The following DGKB variants were observed in gnomAD, a reference collection of about 807,000 sequenced individuals.
DGKB encodes the protein diacylglycerol kinase beta.
Under a neutral mutation model 114.3 loss-of-function variants are expected in DGKB, and 67 were observed. The ratio of observed to expected loss-of-function variants is 0.59; its 90% CI spans 0.48 to 0.72. The LOEUF is 0.72. DGKB is among the 30% of genes least tolerant of loss of function. The probability of loss-of-function intolerance (pLI) is 0.00; values close to 1 mark genes in which losing one functional copy is unlikely to be tolerated. For missense variants in DGKB, 907 were observed against 975.2 expected (o/e 0.93, Z 0.93); for synonymous variants, 398 against 323.1 (o/e 1.23, Z -2.49).
At chr7:14,386,859 T>A (rs1026019947) in intron 21 of DGKB, among the ~76,000 whole-genome samples, 1 of 152,124 alleles carries the variant, frequency 6.6e-6, no homozygotes, top group African/African-American at 2.4e-5. Context: ...ATTAAAGTAA[T>A]TTTTAAGTTT....
chr7:14,598,303 T>C (rs1802940435), intron 17 of DGKB, among the ~76,000 whole-genome samples: 1 of 152,192 alleles, frequency 6.6e-6, no homozygotes, highest in African/African-American at 2.4e-5. Context: ...TATTAACAGC[T>C]ATAACTTCAT....
At chr7:14,200,761 C>T (rs1047427709) in intron 23 of DGKB, among the ~76,000 whole-genome samples, 4 of 151,810 alleles carry the variant, frequency 2.6e-5, no homozygotes, top group South Asian at 2.1e-4. Context: ...GTAAAAAAAA[C>T]GTAATGTAGC....
intron 2 of DGKB, among the ~76,000 whole-genome samples, chr7:14,804,045 T>C (rs1047486216): frequency 2.0e-5 from 3 of 150,754 alleles, no homozygotes; most frequent in African/African-American, 7.4e-5. Flanking sequence ...TGTGAGTTAT[T>C]TCTTCACATT....
chr7:14,656,173 G>C (rs1417372071), intron 13 of DGKB, among the ~76,000 whole-genome samples: 1 of 151,450 alleles, frequency 6.6e-6, no homozygotes, highest in Admixed American at 6.6e-5. Context: ...GGTAACTATA[G>C]ATAAAGTGAA....
chr7:14,620,990 C>CT (rs899426022), intron 15 of DGKB, among the ~76,000 whole-genome samples: 54 of 151,464 alleles, frequency 3.6e-4, no homozygotes, highest in African/African-American at 1.2e-3. Flanking sequence ...TTCCTAAAGT[C>CT]TTTTTTGCTA....
upstream of DGKB, among the ~76,000 whole-genome samples, chr7:14,905,394 C>G (rs1783646776): frequency 6.6e-6 from 1 of 151,968 alleles, no homozygotes; most frequent in Non-Finnish European, 1.5e-5. Flanking sequence ...ACTCATAACT[C>G]AAGATTTTCC....
intron 23 of DGKB, among the ~76,000 whole-genome samples, chr7:14,273,207 A>G (rs1320018046): frequency 6.6e-6 from 1 of 152,046 alleles, no homozygotes; most frequent in Non-Finnish European, 1.5e-5. Flanking sequence ...TTAGCTGGGC[A>G]TGGTGGGGCA....
rs547782344 is a variant in DGKB, at chr7:14,657,594, G to A, written c.1134+15335C>T. Among the ~76,000 whole-genome samples, 3 of 151,928 alleles carry A rather than the reference G, an allele frequency of 2.0e-5. No individual in the cohort carries two copies. In the South Asian group the frequency reaches 6.2e-4, roughly 31 times the overall value. ...ATGACTTCAGTAACTTTGCTTAAAG[G>A]TTAAAGAGGTAAATTTAAAAGAAGG... On this transcript the variant is annotated intron_variant, in intron 13 of 25. Coordinates refer to ENST00000402815, the MANE Select transcript of DGKB (RefSeq NM_001350709.2).
intron 13 of DGKB, among the ~76,000 whole-genome samples, chr7:14,668,012 G>C (rs1480441206): frequency 6.6e-6 from 1 of 151,826 alleles, no homozygotes; most frequent in East Asian, 1.9e-4. Context: ...AGAATGAGTA[G>C]GTTGATCCAG....
intron 20 of DGKB, among the ~76,000 whole-genome samples, chr7:14,498,363 A>T (rs920967646): frequency 2.6e-5 from 4 of 151,832 alleles, no homozygotes; most frequent in African/African-American, 4.8e-5. Context: ...TAATTAACAC[A>T]AAGTATTATA....
At chr7:14,755,261 A>G (rs1245451897) in intron 3 of DGKB, among the ~76,000 whole-genome samples, 1 of 152,152 alleles carries the variant, frequency 6.6e-6, no homozygotes, top group Non-Finnish European at 1.5e-5. Flanking sequence ...CTATTAAAAT[A>G]GACTTCAACA....
At chr7:14,654,205 A>T (rs1585383572) in intron 13 of DGKB, among the ~76,000 whole-genome samples, 1 of 152,216 alleles carries the variant, frequency 6.6e-6, no homozygotes, top group East Asian at 1.9e-4. Flanking sequence ...ATAAAAATTA[A>T]CATACAAAAA....
chr7:14,835,881 T>C (rs1847090178), intron 2 of DGKB, among the ~76,000 whole-genome samples: 1 of 152,232 alleles, frequency 6.6e-6, no homozygotes, highest in East Asian at 1.9e-4. Flanking sequence ...CCAGCTACTC[T>C]GCCATAAACA....
At chr7:14,213,756 T>C (rs73273609) in intron 23 of DGKB, among the ~76,000 whole-genome samples, 255 of 152,286 alleles carry the variant, frequency 1.7e-3, no homozygotes, top group Middle Eastern at 6.8e-3. Context: ...CCCAGGATTC[T>C]CATGCCTTCC....
chr7:14,469,729 C>G (rs1764756512), intron 21 of DGKB, among the ~76,000 whole-genome samples: 1 of 151,906 alleles, frequency 6.6e-6, no homozygotes, highest in Non-Finnish European at 1.5e-5. Flanking sequence ...TTAAGCAAGT[C>G]TCAACATACA....
At chr7:14,540,549 T>G (rs907603404) in intron 20 of DGKB, among the ~76,000 whole-genome samples, 5 of 152,344 alleles carry the variant, frequency 3.3e-5, no homozygotes, top group African/African-American at 9.6e-5. Flanking sequence ...CTGTTTTGAC[T>G]GCTTGTGCAA....
At chr7:14,926,528 A>C (rs940736621) in intron 1 of DGKB, among the ~76,000 whole-genome samples, 1 of 147,204 alleles carries the variant, frequency 6.8e-6, no homozygotes, top group African/African-American at 2.5e-5. Context: ...AAGTGGGAGG[A>C]TCTGTGAAGA....
intron 23 of DGKB, among the ~76,000 whole-genome samples, chr7:14,215,999 A>G (rs1788896452): frequency 6.6e-6 from 1 of 151,750 alleles, no homozygotes; most frequent in Non-Finnish European, 1.5e-5. Context: ...ACCTCTTACT[A>G]TATACCAAGT....
intron 12 of DGKB, among the ~76,000 whole-genome samples, chr7:14,681,220 T>A (rs1820768687): frequency 6.6e-6 from 1 of 152,048 alleles, no homozygotes; most frequent in Non-Finnish European, 1.5e-5. Flanking sequence ...TGTGTAAAAT[T>A]TGAATCATCG....
Sources: gnomAD v4.1 joint callset for allele counts (sites outside exome capture counted in the v4.1 genomes callset) on GRCh38, gnomAD v4.1.1 for gene constraint, MANE v1.5 for transcripts, NCBI Gene and HGNC (gene_info 2026-07-23, HGNC 2026-07-21) for gene names.